TTC7B: variants seen among roughly 807,000 people sequenced by gnomAD.
The protein encoded by TTC7B is tetratricopeptide repeat domain 7B.
In TTC7B, 28 loss-of-function variants were observed where a neutral mutation model predicts 106.8. That is an observed-to-expected ratio of 0.26 (90% confidence interval 0.19 to 0.36). The LOEUF (loss-of-function observed/expected upper bound fraction) is 0.36, where lower values mean the gene tolerates loss of function less well. Among genes scored for constraint, TTC7B ranks in the 10% least tolerant of loss-of-function variants. The pLI, the probability that TTC7B is intolerant of heterozygous loss-of-function variation, is 1.00. For synonymous variants in TTC7B, 405 were observed against 430.6 expected, an observed-to-expected ratio of 0.94 and a Z score of 0.74; for missense variants, 862 against 1,076.4, an observed-to-expected ratio of 0.80 and a Z score of 2.79.
At chr14:90,792,825 A>G (rs1046688998) in intron 1 of TTC7B, among the ~76,000 whole-genome samples, 2 of 152,098 alleles carry the variant, frequency 1.3e-5, no homozygotes, top group African/African-American at 4.8e-5. Context: ...AAATGTGGGG[A>G]AAAGAATTGC....
chr14:90,779,312 A>T (rs541399375), intron 3 of TTC7B, among the ~76,000 whole-genome samples: 2 of 151,328 alleles, frequency 1.3e-5, no homozygotes, highest in African/African-American at 2.4e-5. Flanking sequence ...TTATTTTTTT[A>T]ATTTTTTTGA....
At chr14:90,798,665 G>A (rs1356496272) in intron 1 of TTC7B, among the ~76,000 whole-genome samples, 11 of 125,196 alleles carry the variant, frequency 8.8e-5, no homozygotes, top group Non-Finnish European at 1.3e-4. Context: ...AGCTGAGATC[G>A]TGCCACTACA....
intron 5 of TTC7B, among the ~76,000 whole-genome samples, chr14:90,702,233 T>C (rs1888020991): frequency 6.6e-6 from 1 of 152,186 alleles, no homozygotes; most frequent in Non-Finnish European, 1.5e-5. Flanking sequence ...CCACCTCATT[T>C]AACCATACCC....
intron 15 of TTC7B, among the ~76,000 whole-genome samples, chr14:90,637,801 C>T (rs1046270775): frequency 5.3e-5 from 8 of 152,206 alleles, no homozygotes; most frequent in African/African-American, 9.6e-5. Context: ...ATAAAATCTG[C>T]TATCGTTTCA....
intron 8 of TTC7B, among the ~76,000 whole-genome samples, chr14:90,679,501 G>T (rs137945395): frequency 6.6e-6 from 1 of 152,188 alleles, no homozygotes; most frequent in African/African-American, 2.4e-5. Context: ...TGCCCCGGGG[G>T]TTGGCGGTAA....
chr14:90,780,708 G>A (rs1891190447), intron 3 of TTC7B, 30 bp downstream of exon 3: 1 of 1,603,666 alleles, frequency 6.2e-7, no homozygotes, highest in Non-Finnish European at 8.5e-7. Flanking sequence ...CCAGGTCACG[G>A]GACACTGTGT....
chr14:90,616,043 T>C (rs1312240762), intron 16 of TTC7B, among the ~76,000 whole-genome samples: 1 of 152,168 alleles, frequency 6.6e-6, no homozygotes, highest in Non-Finnish European at 1.5e-5. Flanking sequence ...ATTCTGCTAT[T>C]TTTTTCTCCT....
At chr14:90,720,521 G>A (rs1004047931) in intron 5 of TTC7B, among the ~76,000 whole-genome samples, 3 of 152,170 alleles carry the variant, frequency 2.0e-5, no homozygotes, top group African/African-American at 7.2e-5. Flanking sequence ...GCGGAGGGCA[G>A]TATCCCTCAG....
intron 15 of TTC7B, among the ~76,000 whole-genome samples, chr14:90,631,481 T>A (rs1193361535): frequency 6.6e-6 from 1 of 151,092 alleles, no homozygotes; most frequent in Non-Finnish European, 1.5e-5. Context: ...TGGTCTCAAC[T>A]CACTGAAACC....
intron 19 of TTC7B, among the ~76,000 whole-genome samples, chr14:90,560,204 G>GA (rs1271925181): frequency 2.0e-5 from 3 of 152,250 alleles, no homozygotes; most frequent in Non-Finnish European, 2.9e-5. Flanking sequence ...CTCTGAAAGA[G>GA]AAAAAGGCCT....
At chr14:90,681,618 A>G (rs888416831) in intron 7 of TTC7B, among the ~76,000 whole-genome samples, 3 of 152,224 alleles carry the variant, frequency 2.0e-5, no homozygotes, top group Non-Finnish European at 1.5e-5. Context: ...TTCTCGTTAC[A>G]ATGCTGATAC....
At chr14:90,767,031 A>G in intron 3 of TTC7B, 1 of 609,014 alleles carries the variant, frequency 1.6e-6, no homozygotes, top group Non-Finnish European at 2.6e-6. Context: ...TATATACCAA[A>G]AAAAAAAAAA....
At chr14:90,603,176 A>G (rs915890343) in intron 17 of TTC7B, 2 of 1,038,352 alleles carry the variant, frequency 1.9e-6, no homozygotes, top group African/African-American at 1.7e-5. Flanking sequence ...CTCAACAACC[A>G]CAATGCACAT....
chr14:90,606,178 G>A (rs1228068469), intron 17 of TTC7B, among the ~76,000 whole-genome samples: 1 of 152,166 alleles, frequency 6.6e-6, no homozygotes, highest in Non-Finnish European at 1.5e-5. Flanking sequence ...TTGAAAATAA[G>A]GTTTTCCAAG....
At chr14:90,652,776 T>G in intron 13 of TTC7B, 65 bp downstream of exon 13, 1 of 1,555,136 alleles carries the variant, frequency 6.4e-7, no homozygotes, top group Non-Finnish European at 8.9e-7. Flanking sequence ...TATCTCTTCT[T>G]TTTATACTCA....
At chr14:90,697,402 G>A (rs1204710161) in intron 5 of TTC7B, 1 of 148,462 alleles carries the variant, frequency 6.7e-6, no homozygotes, top group Non-Finnish European at 1.5e-5. Flanking sequence ...GTGAGAGAGT[G>A]AGCTGGGAGC....
intron 19 of TTC7B, among the ~76,000 whole-genome samples, chr14:90,572,705 A>G (rs1891081196): frequency 6.6e-6 from 1 of 152,238 alleles, no homozygotes; most frequent in Non-Finnish European, 1.5e-5. Context: ...ATCCGTCCAC[A>G]GAAGACAAAA....
chr14:90,695,080 ATTTTATTATAAAATATAT>A (rs1337207529), intron 6 of TTC7B, among the ~76,000 whole-genome samples: 4 of 70,118 alleles, frequency 5.7e-5, no homozygotes, highest in African/African-American at 2.1e-4. Flanking sequence ...AATATATTTT[ATTTTATTATAAAATATAT>A]TTTATTTTAT....
chr14:90,593,637 T>G lies in TTC7B; in HGVS notation c.1967-11A>C, dbSNP rs1595187927. 3.8e-6 allele frequency: 6 copies of G among 1,577,172 alleles called. No individual in the cohort carries two copies. Among genetic ancestry groups the G allele is most frequent in the Non-Finnish European group, 5.2e-6 (6 of 1,159,836 alleles). ...TGGCATGGACGGAGCCTGTGAGAGG[T>G]TTTTGAGAAGACTCTATCAGGAGCG... is the stretch of plus-strand genomic sequence containing the variant. On this transcript the variant is annotated splice_polypyrimidine_tract_variant and intron_variant, in intron 17 of 19. Coordinates refer to ENST00000328459, the MANE Select transcript of TTC7B (RefSeq NM_001010854.2).
Sources: gnomAD v4.1 joint callset for allele counts (sites outside exome capture counted in the v4.1 genomes callset) on GRCh38, gnomAD v4.1.1 for gene constraint, MANE v1.5 for transcripts, NCBI Gene and HGNC (gene_info 2026-07-23, HGNC 2026-07-21) for gene names.